Variants in SLC7A11 observed in about 807,000 individuals in gnomAD.
SLC7A11 encodes the protein solute carrier family 7 member 11.
A neutral mutation model predicts 54.5 loss-of-function variants in SLC7A11; 35 were observed. That is an observed-to-expected ratio of 0.64 (90% CI 0.49 to 0.85). The LOEUF (loss-of-function observed/expected upper bound fraction) is 0.85. Ranked by LOEUF, SLC7A11 falls within the 40% of genes least tolerant of loss-of-function variation. The pLI is 0.00. For missense variants in SLC7A11, 583 were observed against 618.1 expected (o/e 0.94, Z 0.60); for synonymous variants, 230 against 225.2 (o/e 1.02, Z -0.19).
intron 3 of SLC7A11, among the ~76,000 whole-genome samples, chr4:138,224,419 A>C (rs531873481): frequency 6.6e-6 from 1 of 152,294 alleles, no homozygotes. Context: ...TTAAAATGTA[A>C]AGATATTTCT....
Position 138,166,169 on chromosome 4 carries a change from T to C in SLC7A11, c.*5787A>G, listed in dbSNP as rs1330048586. ...AAGACAGTTCAAACCTAGGACCAGG[T>C]AACCACATTGCATTGCCTCCCAGTG... is the stretch of plus-strand genomic sequence containing the variant. On this transcript the variant is annotated 3_prime_UTR_variant, in exon 12 of 12. Transcript: ENST00000280612. 2.0e-5 allele frequency: 3 copies of C among 152,154 alleles called. No individual in the cohort carries two copies. The highest frequency in any genetic ancestry group is 2.9e-5 in the Non-Finnish European group (2 of 68,012). 9.4% of individuals were successfully genotyped at this position (152,154 alleles called of 1,614,324 possible).
intron 3 of SLC7A11, among the ~76,000 whole-genome samples, chr4:138,223,705 C>T (rs922157249): frequency 6.6e-6 from 1 of 152,122 alleles, no homozygotes; most frequent in African/African-American, 2.4e-5. Context: ...CTTGATGTGA[C>T]AACTCTTTCC....
Position 138,214,946 on chromosome 4 carries a change from G to A in SLC7A11, c.747-317C>T, listed in dbSNP as rs72712356. On this transcript the variant is annotated intron_variant, in intron 5 of 11. Transcript: ENST00000280612. ...CTGGAGCAAGCACGTGGGAGCCAGA[G>A]GGCAGGTCTAGCCCAACCTGGTAGG... is the stretch of plus-strand genomic sequence containing the variant. Among the ~76,000 whole-genome samples the A allele has an allele frequency of 5.4e-3, 829 of 152,288 alleles. 4 individuals are homozygous for A. Among genetic ancestry groups the A allele is most frequent in the Middle Eastern group, 0.024 (7 of 294 alleles).
intron 2 of SLC7A11, among the ~76,000 whole-genome samples, chr4:138,233,480 G>A (rs57873161): frequency 0.071 from 10,811 of 152,060 alleles, 478 homozygotes; most frequent in Non-Finnish European, 0.085. Flanking sequence ...CACCGTGCCC[G>A]GCAGCAATTA....
rs145042534 is a variant in SLC7A11, at chr4:138,223,869, G to A, written c.521-545C>T. Among the ~76,000 whole-genome samples, 512 of 152,178 alleles carry A rather than the reference G, an allele frequency of 3.4e-3. 6 individuals carry two copies. Among genetic ancestry groups the A allele is most frequent in the African/African-American group, 0.012 (491 of 41,522 alleles). On this transcript the variant is annotated intron_variant, in intron 3 of 11. Coordinates refer to ENST00000280612, the MANE Select transcript of SLC7A11 (RefSeq NM_014331.4). ...TTCTTTCTAATTAGCATGTCAAGGG[G>A]CGACTTTCAACCCACCGTACAAGTA...
rs1164866263 is a variant in SLC7A11 at position 138,166,211 on chromosome 4, C to T, written c.*5745G>A. 1 of 152,076 alleles carries T rather than the reference C, an allele frequency of 6.6e-6. No homozygotes were observed. Among genetic ancestry groups the T allele is most frequent in the African/African-American group, 2.4e-5 (1 of 41,404 alleles). The allele number at this position is 152,076 out of a possible 1,614,324, so 9.4% of individuals were successfully genotyped here. A position where few individuals can be genotyped will look rare whatever the true frequency, so the allele number is the denominator to read the frequency against. On this transcript the variant is annotated 3_prime_UTR_variant, in exon 12 of 12. Transcript: ENST00000280612. ...CTCCCAGTGTGATATGACTGTGCTT[C>T]CAAGTATGCATCTAATAAAGTTAGT...
intron 6 of SLC7A11, among the ~76,000 whole-genome samples, chr4:138,187,399 GAGTT>G (rs1736905039): frequency 6.6e-6 from 1 of 152,084 alleles, no homozygotes; most frequent in Admixed American, 6.6e-5. Context: ...AAAATTCTGT[GAGTT>G]AGGAACATCA....
Position 138,170,228 on chromosome 4 carries a change from T to TATAA in SLC7A11, c.*1727_*1728insTTAT, listed in dbSNP as rs1553940814. 1.6e-5 allele frequency: 2 copies of TATAA among 123,272 alleles called. No homozygotes were observed. Among genetic ancestry groups the TATAA allele is most frequent in the Non-Finnish European group, 3.3e-5 (2 of 59,722 alleles). 7.6% of individuals were successfully genotyped at this position (123,272 alleles called of 1,614,324 possible). A position where few individuals can be genotyped will look rare whatever the true frequency, so the allele number is the denominator to read the frequency against. On this transcript the variant is annotated 3_prime_UTR_variant, in exon 12 of 12. Transcript: ENST00000280612. ...CACTATATATATATATATATATATA[T>TATAA]AAAAAGTGTGTGTGTGTGTGTGTAT...
chr4:138,223,401 G>A (rs1737864593), intron 3 of SLC7A11, 77 bp from the exon 4 acceptor site: 3 of 1,500,836 alleles, frequency 2.0e-6, no homozygotes, highest in Non-Finnish European at 2.8e-6. Flanking sequence ...GTTACTCAAA[G>A]GGCAATCTGT....
rs776387607 is a variant in SLC7A11 at position 138,219,310 on chromosome 4, C to T, written c.702G>A (p.Arg234=). The T allele has an allele frequency of 1.2e-6, 2 of 1,611,068 alleles. No individual in the cohort carries two copies. Among genetic ancestry groups the T allele is most frequent in the South Asian group, 1.1e-5 (1 of 90,920 alleles). The change falls in exon 5 of 12, where the codon CGG becomes CGA. Residue 234 remains arginine (R), a synonymous_variant. Transcript: ENST00000280612. ...AFSGRDSSIT[R]LPLAFYYGMY... is the part of the protein sequence containing the mutation. ...TTCCATAATAAAAAGCCAGTGGCAACCGCGTAATACTTGAATCTCTTCCTG... is the reference window on the plus strand; with the variant it reads ...TTCCATAATAAAAAGCCAGTGGCAATCGCGTAATACTTGAATCTCTTCCTG...
At chr4:138,229,350 A>G (rs574429312) in intron 3 of SLC7A11, among the ~76,000 whole-genome samples, 1 of 152,296 alleles carries the variant, frequency 6.6e-6, no homozygotes, top group Non-Finnish European at 1.5e-5. Context: ...TCTTACAGAC[A>G]GTTTGACTTT....
At chr4:138,223,059 A>G in intron 4 of SLC7A11, 140 bp downstream of exon 4, 1 of 701,046 alleles carries the variant, frequency 1.4e-6, no homozygotes, top group Non-Finnish European at 2.3e-6. Flanking sequence ...AGCCTTTCAA[A>G]TCAATTAGAT....
At chr4:138,201,921 C>T (rs1438811976) in intron 6 of SLC7A11, among the ~76,000 whole-genome samples, 3 of 152,018 alleles carry the variant, frequency 2.0e-5, no homozygotes, top group Non-Finnish European at 4.4e-5. Context: ...AGGATCGCTC[C>T]CTCTCTTTCT....
intron 10 of SLC7A11, among the ~76,000 whole-genome samples, chr4:138,179,959 A>G (rs753935855): frequency 1.3e-5 from 2 of 152,178 alleles, no homozygotes; most frequent in Non-Finnish European, 2.9e-5. Context: ...TGACAACATG[A>G]CTGACAACCT....
intron 1 of SLC7A11, 137 bp downstream of exon 1, chr4:138,241,656 T>A: frequency 1.5e-6 from 1 of 658,218 alleles, no homozygotes; most frequent in South Asian, 1.9e-5. Flanking sequence ...GTAGTTCACG[T>A]ACCCGAACAA....
intron 6 of SLC7A11, among the ~76,000 whole-genome samples, chr4:138,192,653 T>C (rs1159640196): frequency 6.6e-6 from 1 of 152,132 alleles, no homozygotes; most frequent in Non-Finnish European, 1.5e-5. Context: ...TATTGTATAG[T>C]ATATTATTTA....
intron 1 of SLC7A11, 87 bp from the exon 2 acceptor site, chr4:138,236,538 T>A (rs1270727906): frequency 1.6e-6 from 2 of 1,273,066 alleles, no homozygotes; most frequent in African/African-American, 3.0e-5. Flanking sequence ...TGTTTATATG[T>A]TGCCTGAGAT....
intron 6 of SLC7A11, among the ~76,000 whole-genome samples, chr4:138,200,926 A>G (rs1009775892): frequency 6.6e-6 from 1 of 152,170 alleles, no homozygotes; most frequent in African/African-American, 2.4e-5. Flanking sequence ...AGACATTACT[A>G]TAATAAATCC....
At chr4:138,185,951 G>A (rs941165081) in intron 6 of SLC7A11, among the ~76,000 whole-genome samples, 2 of 152,068 alleles carry the variant, frequency 1.3e-5, no homozygotes, top group Non-Finnish European at 2.9e-5. Context: ...GCTCAAGATC[G>A]TGAGTATCTA....
Sources: gnomAD v4.1 joint callset for allele counts (sites outside exome capture counted in the v4.1 genomes callset) on GRCh38, gnomAD v4.1.1 for gene constraint, MANE v1.5 for transcripts, NCBI Gene and HGNC (gene_info 2026-07-23, HGNC 2026-07-21) for gene names.